LINGO2: variants seen among roughly 807,000 people sequenced by gnomAD.
LINGO2 encodes leucine-rich repeat and immunoglobulin-like domain-containing nogo receptor-interacting protein 2.
LINGO2 carries 14 observed loss-of-function variants against 30.6 expected under a neutral mutation model. That is an observed-to-expected ratio of 0.46 (90% CI 0.30 to 0.72). The LOEUF is 0.72. LINGO2 is among the 30% of genes least tolerant of loss of function. LINGO2 has a pLI of 0.07. For synonymous variants in LINGO2, 317 were observed against 288.5 expected (o/e 1.10, Z -1.00); for missense variants, 729 against 751.7 (o/e 0.97, Z 0.35).
chr9:27,982,655 T>C (rs1163274260), intron 5 of LINGO2, among the ~76,000 whole-genome samples: 2 of 151,870 alleles, frequency 1.3e-5, no homozygotes, highest in Admixed American at 1.3e-4. Flanking sequence ...AACTGTGATG[T>C]TAAAACTGAG....
the LINGO2 span, among the ~76,000 whole-genome samples, chr9:29,100,586 T>C: frequency 1.3e-5 from 2 of 149,552 alleles, no homozygotes; most frequent in African/African-American, 5.0e-5. Flanking sequence ...AGAGCAAGAC[T>C]CTTATCTCAA....
the LINGO2 span, among the ~76,000 whole-genome samples, chr9:28,961,629 T>TC: frequency 6.6e-6 from 1 of 152,276 alleles, no homozygotes; most frequent in Non-Finnish European, 1.5e-5. Context: ...TAATGAAAAG[T>TC]CTGAAAGTTG....
chr9:28,648,796 G>C lies in LINGO2; in HGVS notation c.-365+21404C>G, dbSNP rs190584389. ...GTATTCTTAAAGCAAATACATGTAT[G>C]TGTGTTTCTATGTTTCTACACAGTA... On this transcript the variant is annotated intron_variant, in intron 1 of 5. Coordinates refer to ENST00000379992, the Ensembl canonical transcript of LINGO2. Among the ~76,000 whole-genome samples the C allele has an allele frequency of 1.6e-3, 249 of 152,196 alleles. 1 individual carries two copies. The highest frequency in any genetic ancestry group is 3.4e-3 in the Middle Eastern group (1 of 294).
the LINGO2 span, among the ~76,000 whole-genome samples, chr9:29,007,041 C>T: frequency 9.2e-5 from 14 of 152,002 alleles, no homozygotes; most frequent in African/African-American, 2.7e-4. Flanking sequence ...TTAAGCATGC[C>T]TACTGAGGAA....
the LINGO2 span, among the ~76,000 whole-genome samples, chr9:28,741,836 C>T: frequency 2.0e-5 from 3 of 151,494 alleles, no homozygotes; most frequent in Non-Finnish European, 2.9e-5. Flanking sequence ...GGAGCTGACC[C>T]GGTGTTGGGC....
intron 1 of LINGO2, among the ~76,000 whole-genome samples, chr9:28,624,315 T>C (rs1025849738): frequency 2.6e-5 from 4 of 152,076 alleles, no homozygotes; most frequent in African/African-American, 9.7e-5. Flanking sequence ...GCATCTGTCA[T>C]GTACAGCTTT....
intron 5 of LINGO2, among the ~76,000 whole-genome samples, chr9:28,002,085 C>T (rs7037139): frequency 6.6e-6 from 1 of 152,134 alleles, no homozygotes. Flanking sequence ...ATAGGCTAAA[C>T]CTAGACCGAT....
chr9:29,170,345 TAAACA>T, the LINGO2 span, among the ~76,000 whole-genome samples: 1 of 152,044 alleles, frequency 6.6e-6, no homozygotes, highest in Non-Finnish European at 1.5e-5. Context: ...AAATGACTCA[TAAACA>T]AAAGGCAAAA....
the LINGO2 span, among the ~76,000 whole-genome samples, chr9:28,934,482 C>T: frequency 6.6e-6 from 1 of 152,058 alleles, no homozygotes; most frequent in African/African-American, 2.4e-5. Flanking sequence ...ATGTCTTTTC[C>T]ATTCTGTCAC....
At chr9:28,818,341 C>A in the LINGO2 span, among the ~76,000 whole-genome samples, 1 of 152,088 alleles carries the variant, frequency 6.6e-6, no homozygotes, top group Admixed American at 6.6e-5. Flanking sequence ...ATTTAATTAA[C>A]CTACCATATT....
the LINGO2 span, among the ~76,000 whole-genome samples, chr9:29,106,048 G>A: frequency 5.9e-5 from 9 of 152,176 alleles, no homozygotes; most frequent in Non-Finnish European, 1.2e-4. Context: ...CATGGGAAAT[G>A]TGAGGTATTA....
chr9:28,139,543 T>A (rs1827616698), intron 4 of LINGO2, among the ~76,000 whole-genome samples: 1 of 152,190 alleles, frequency 6.6e-6, no homozygotes, highest in Non-Finnish European at 1.5e-5. Flanking sequence ...TTAAAGAGCA[T>A]AAAGTAAAGC....
intron 4 of LINGO2, among the ~76,000 whole-genome samples, chr9:28,036,383 C>T (rs550475360): frequency 1.3e-5 from 2 of 152,282 alleles, no homozygotes; most frequent in South Asian, 2.1e-4. Context: ...TGCAGACACA[C>T]ATCCAGGGTA....
chr9:27,982,108 C>T (rs1192266653), intron 5 of LINGO2, among the ~76,000 whole-genome samples: 22 of 151,742 alleles, frequency 1.4e-4, no homozygotes, highest in Non-Finnish European at 1.2e-4. Flanking sequence ...TAGTGGGCTG[C>T]AGGGTTACTA....
chr9:28,024,832 A>G (rs986691050), intron 4 of LINGO2, among the ~76,000 whole-genome samples: 18 of 152,128 alleles, frequency 1.2e-4, no homozygotes, highest in Non-Finnish European at 2.2e-4. Flanking sequence ...CAAATGTTGC[A>G]TCTGAGCAGC....
chr9:28,590,582 G>T (rs1824835444), intron 1 of LINGO2, among the ~76,000 whole-genome samples: 3 of 152,064 alleles, frequency 2.0e-5, no homozygotes, highest in Non-Finnish European at 4.4e-5. Flanking sequence ...GGCCATCAGA[G>T]AAATGCAAAT....
chr9:29,042,422 C>T, the LINGO2 span, among the ~76,000 whole-genome samples: 1 of 151,896 alleles, frequency 6.6e-6, no homozygotes, highest in African/African-American at 2.4e-5. Context: ...TTAATAATAT[C>T]CCAAAAGTGA....
At chr9:28,394,792 C>A (rs1821975937) in intron 2 of LINGO2, among the ~76,000 whole-genome samples, 1 of 152,146 alleles carries the variant, frequency 6.6e-6, no homozygotes, top group South Asian at 2.1e-4. Context: ...AGGAAATAAT[C>A]CATTTCATTT....
At chr9:28,112,057 C>T (rs1266955894) in intron 4 of LINGO2, among the ~76,000 whole-genome samples, 1 of 107,340 alleles carries the variant, frequency 9.3e-6, no homozygotes, top group Non-Finnish European at 1.9e-5. Flanking sequence ...TATCCCTCCC[C>T]CCTCCCCCGA....
Sources: gnomAD v4.1 joint callset for allele counts (sites outside exome capture counted in the v4.1 genomes callset) on GRCh38, gnomAD v4.1.1 for gene constraint, MANE v1.5 for transcripts, NCBI Gene and HGNC (gene_info 2026-07-23, HGNC 2026-07-21) for gene names.